Variants in GABBR2 observed in about 807,000 individuals in gnomAD.
The protein encoded by GABBR2 is gamma-aminobutyric acid type B receptor subunit 2, also known as G-protein coupled receptor 51.
GABBR2 carries 23 observed loss-of-function variants against 105.6 expected under a neutral mutation model. The ratio of observed to expected loss-of-function variants is 0.22; its 90% CI spans 0.16 to 0.31. The LOEUF (loss-of-function observed/expected upper bound fraction) is 0.31, where lower values mean the gene tolerates loss of function less well. Among genes scored for constraint, GABBR2 ranks in the 10% least tolerant of loss-of-function variants. The pLI is 1.00. For synonymous variants in GABBR2, 478 were observed against 499.7 expected (o/e 0.96, Z 0.58); for missense variants, 734 against 1,245.5 (o/e 0.59, Z 6.18).
At chr9:98,443,295 C>G (rs989622384) in intron 7 of GABBR2, among the ~76,000 whole-genome samples, 2 of 152,194 alleles carry the variant, frequency 1.3e-5, no homozygotes, top group African/African-American at 2.4e-5. Flanking sequence ...TACACTCCCC[C>G]ACACTGCTTT....
intron 10 of GABBR2, among the ~76,000 whole-genome samples, chr9:98,386,336 T>G (rs1377897711): frequency 6.6e-6 from 1 of 151,084 alleles, no homozygotes; most frequent in Admixed American, 6.6e-5. Flanking sequence ...CAGCCTTGAG[T>G]AGACCATGTC....
chr9:98,640,782 A>C (rs1402914348), intron 1 of GABBR2, among the ~76,000 whole-genome samples: 2 of 152,134 alleles, frequency 1.3e-5, no homozygotes, highest in Non-Finnish European at 2.9e-5. Flanking sequence ...CTGCAAGGTG[A>C]GAAGAATCAC....
chr9:98,400,566 C>T (rs1455018309), intron 8 of GABBR2, among the ~76,000 whole-genome samples: 1 of 152,146 alleles, frequency 6.6e-6, no homozygotes, highest in East Asian at 1.9e-4. Context: ...CATAAGGGAA[C>T]ATATATAAGG....
intron 13 of GABBR2, among the ~76,000 whole-genome samples, chr9:98,362,139 C>T (rs548776163): frequency 2.0e-5 from 3 of 152,346 alleles, no homozygotes; most frequent in South Asian, 2.1e-4. Flanking sequence ...AAAACTACAG[C>T]GTCCTAAGGG....
In GABBR2 at chr9:98,388,222, G is replaced by T. The variant is rs987549279; in HGVS notation, c.1529+632C>A. On this transcript the variant is annotated intron_variant, in intron 10 of 18. Coordinates refer to ENST00000259455, the MANE Select transcript of GABBR2 (RefSeq NM_005458.8). This position sits in a 1 kb window ranked among gnomAD's most constrained non-coding sequence, Gnocchi z 4.4. ...AATTAAGGGCACGTGGTGGGGAAAA[G>T]AAATTAAGACAAGAAACCAAGAAGA... 1.3e-5 allele frequency among the ~76,000 whole-genome samples: 2 copies of T among 152,230 alleles called. No individual in the cohort carries two copies. Among genetic ancestry groups the T allele is most frequent in the African/African-American group, 2.4e-5 (1 of 41,456 alleles).
intron 2 of GABBR2, among the ~76,000 whole-genome samples, chr9:98,573,946 A>G (rs1828875496): frequency 6.6e-6 from 1 of 152,194 alleles, no homozygotes; most frequent in Non-Finnish European, 1.5e-5. Context: ...ATCACCCCCT[A>G]TTGGGAATGC....
At chr9:98,358,115 T>C (rs190117389) in intron 13 of GABBR2, among the ~76,000 whole-genome samples, 97 of 152,334 alleles carry the variant, frequency 6.4e-4, no homozygotes, top group African/African-American at 2.3e-3. Flanking sequence ...TCTGTTCCTG[T>C]GGGCCATTTA....
intron 6 of GABBR2, among the ~76,000 whole-genome samples, chr9:98,468,765 G>A (rs1183327623): frequency 6.6e-6 from 1 of 152,116 alleles, no homozygotes; most frequent in Non-Finnish European, 1.5e-5. Flanking sequence ...ATTAAGTGGT[G>A]TGAACGCAGG....
intron 7 of GABBR2, among the ~76,000 whole-genome samples, chr9:98,424,105 A>G (rs1394806695): frequency 6.6e-6 from 1 of 152,212 alleles, no homozygotes; most frequent in East Asian, 1.9e-4. Context: ...AACCGAATCC[A>G]GCAGCACATC....
intron 13 of GABBR2, among the ~76,000 whole-genome samples, chr9:98,315,698 A>G (rs1043542462): frequency 6.6e-6 from 1 of 152,174 alleles, no homozygotes; most frequent in Non-Finnish European, 1.5e-5. Context: ...GTCGTGCACC[A>G]AAGCAGCACC....
chr9:98,579,715 A>G (rs941433053), intron 1 of GABBR2, among the ~76,000 whole-genome samples: 9 of 152,334 alleles, frequency 5.9e-5, no homozygotes, highest in Non-Finnish European at 8.8e-5. Flanking sequence ...AGTGGATTCA[A>G]AAGAGAATTT....
intron 2 of GABBR2, among the ~76,000 whole-genome samples, chr9:98,572,414 C>G (rs1465794419): frequency 3.3e-5 from 5 of 152,224 alleles, no homozygotes; most frequent in African/African-American, 4.8e-5. Flanking sequence ...GTCCAGCAAG[C>G]ATTGCTCCTC....
chr9:98,525,731 A>G (rs957759203), intron 3 of GABBR2, among the ~76,000 whole-genome samples: 1 of 152,240 alleles, frequency 6.6e-6, no homozygotes, highest in African/African-American at 2.4e-5. Context: ...TCATGGCACC[A>G]TTATTCATAA....
chr9:98,668,216 A>G (rs1401619636), intron 1 of GABBR2, among the ~76,000 whole-genome samples: 1 of 143,658 alleles, frequency 7.0e-6, no homozygotes, highest in Non-Finnish European at 1.5e-5. Context: ...GCAATTCTCC[A>G]TCTCAGAGTC....
intron 7 of GABBR2, among the ~76,000 whole-genome samples, chr9:98,444,744 G>T (rs1826092407): frequency 6.6e-6 from 1 of 152,230 alleles, no homozygotes; most frequent in Non-Finnish European, 1.5e-5. Flanking sequence ...CCTGGGATTT[G>T]AGCCCCAGAG....
At chr9:98,371,705 G>A in intron 11 of GABBR2, 134 bp from the exon 12 acceptor site, 1 of 616,746 alleles carries the variant, frequency 1.6e-6, no homozygotes, top group Non-Finnish European at 2.9e-6. Context: ...GAGTTTCATT[G>A]GCATCTTTCA....
Position 98,578,098 on chromosome 9 carries a change from G to A in GABBR2, c.322-26C>T, listed in dbSNP as rs765641815. ...CTGGGAAGCAACACATAGAAAGAAA[G>A]GTCCAAATTAGAAACAGCTTTTCCC... On this transcript the variant is annotated intron_variant, in intron 1 of 18. Transcript: ENST00000259455. 15 of 1,611,920 alleles carry A rather than the reference G, an allele frequency of 9.3e-6. No homozygotes were observed. In the Admixed American group the frequency reaches 1.8e-4, roughly 20 times the overall value.
chr9:98,692,797 C>T (rs1005074081), intron 1 of GABBR2, among the ~76,000 whole-genome samples: 2 of 152,218 alleles, frequency 1.3e-5, no homozygotes, highest in African/African-American at 4.8e-5. Flanking sequence ...AACAACTAAA[C>T]AATGAGAATT....
intron 1 of GABBR2, among the ~76,000 whole-genome samples, chr9:98,646,763 C>G (rs1479890725): frequency 6.6e-6 from 1 of 152,190 alleles, no homozygotes; most frequent in African/African-American, 2.4e-5. Flanking sequence ...TTGTCCAGCA[C>G]TGGGCTGGCA....
Sources: gnomAD v4.1 joint callset for allele counts (sites outside exome capture counted in the v4.1 genomes callset) on GRCh38, gnomAD v4.1.1 for gene constraint, Gnocchi (gnomAD v3.1) non-coding constraint, MANE v1.5 for transcripts, NCBI Gene and HGNC (gene_info 2026-07-23, HGNC 2026-07-21) for gene names.